DSCAML1: variants seen among roughly 807,000 people sequenced by gnomAD.
DSCAML1 encodes cell adhesion molecule DSCAML1.
DSCAML1 carries 38 observed loss-of-function variants against 200.5 expected under a neutral mutation model. The observed-to-expected ratio is 0.19, with a 90% CI of 0.15 to 0.25. DSCAML1 has a LOEUF of 0.25. DSCAML1 is among the 10% of genes least tolerant of loss of function. The probability of loss-of-function intolerance (pLI) is 1.00; values close to 1 mark genes in which losing one functional copy is unlikely to be tolerated. For missense variants in DSCAML1, 2,223 were observed against 2,858.8 expected (o/e 0.78, Z 5.07); for synonymous variants, 1,215 against 1,165.0 (o/e 1.04, Z -0.87).
At chr11:117,604,485 T>G (rs557792739) in intron 3 of DSCAML1, among the ~76,000 whole-genome samples, 2 of 152,156 alleles carry the variant, frequency 1.3e-5, no homozygotes, top group East Asian at 3.9e-4. Flanking sequence ...GGCCCCACCT[T>G]GGTGGGCCCT....
At chr11:117,648,351 G>T (rs1433026248) in intron 3 of DSCAML1, among the ~76,000 whole-genome samples, 2 of 152,204 alleles carry the variant, frequency 1.3e-5, no homozygotes, top group African/African-American at 4.8e-5. Context: ...AATTTCCTGA[G>T]CGCCAAAGCC....
chr11:117,449,537 C>T (rs1399797215), intron 20 of DSCAML1, among the ~76,000 whole-genome samples: 1 of 152,116 alleles, frequency 6.6e-6, no homozygotes, highest in Non-Finnish European at 1.5e-5. Context: ...GGCAGCTTTC[C>T]TGGTGGCCAT....
At chr11:117,627,892 T>A (rs1041158311) in intron 3 of DSCAML1, among the ~76,000 whole-genome samples, 2 of 151,862 alleles carry the variant, frequency 1.3e-5, no homozygotes, top group Non-Finnish European at 2.9e-5. Flanking sequence ...ATTTTCCAGA[T>A]CCCTGGAGCT....
chr11:117,574,915 G>A (rs573872503), intron 3 of DSCAML1, among the ~76,000 whole-genome samples: 88 of 152,318 alleles, frequency 5.8e-4, no homozygotes, highest in African/African-American at 2.1e-3. Context: ...ATCCTGCCGG[G>A]TGTGGTGGCT....
chr11:117,453,905 G>T (rs1467834924), intron 19 of DSCAML1, among the ~76,000 whole-genome samples: 1 of 151,906 alleles, frequency 6.6e-6, no homozygotes, highest in African/African-American at 2.4e-5. Flanking sequence ...ACTGCACCTG[G>T]CTAATTTTTT....
rs1299327980 is a variant in DSCAML1, at chr11:117,489,270, C to T, written c.2360-7108G>A. ...AGTGGGGACTGCTGCTTTAGGGGTGCAGGCGGGAGAGCCGGGGTGGGGTAT... is the reference window on the plus strand; with the variant it reads ...AGTGGGGACTGCTGCTTTAGGGGTGTAGGCGGGAGAGCCGGGGTGGGGTAT... On this transcript the variant is annotated intron_variant, in intron 11 of 32. Coordinates refer to ENST00000651296, the MANE Select transcript of DSCAML1 (RefSeq NM_020693.4). This position sits in a 1 kb window ranked among gnomAD's most constrained non-coding sequence, Gnocchi z 4.8. Among the ~76,000 whole-genome samples the T allele has an allele frequency of 6.6e-6, 1 of 152,166 alleles. No individual in the cohort carries two copies. The highest frequency in any genetic ancestry group is 1.9e-4 in the East Asian group (1 of 5,192).
At chr11:117,576,529 C>T (rs1468054743) in intron 3 of DSCAML1, among the ~76,000 whole-genome samples, 3 of 152,206 alleles carry the variant, frequency 2.0e-5, no homozygotes, top group Non-Finnish European at 4.4e-5. Context: ...GGATTTCAGT[C>T]CACAGAAATG....
At chr11:117,465,280 C>A (rs2048557904) in intron 16 of DSCAML1, 98 bp from the exon 17 acceptor site, 1 of 1,500,268 alleles carries the variant, frequency 6.7e-7, no homozygotes. Flanking sequence ...TCTGCCCCAG[C>A]CCTTCAAAGG....
At chr11:117,812,186 C>A (rs1368750257) in intron 1 of DSCAML1, among the ~76,000 whole-genome samples, 1 of 152,162 alleles carries the variant, frequency 6.6e-6, no homozygotes, top group East Asian at 1.9e-4. Context: ...TCTACTCCCT[C>A]CTTGGCGACC....
At chr11:117,705,025 C>A (rs145642988) in intron 3 of DSCAML1, among the ~76,000 whole-genome samples, 1 of 152,114 alleles carries the variant, frequency 6.6e-6, no homozygotes, top group Admixed American at 6.5e-5. Flanking sequence ...AAAGACTCTG[C>A]GTACCCACGC....
chr11:117,661,717 T>A (rs932945970), intron 3 of DSCAML1, among the ~76,000 whole-genome samples: 20 of 152,170 alleles, frequency 1.3e-4, no homozygotes, highest in African/African-American at 4.8e-4. Context: ...CCTGTCCCCA[T>A]CAAAGGGCAC....
At chr11:117,539,459 C>A (rs60851263) in intron 3 of DSCAML1, among the ~76,000 whole-genome samples, 1 of 151,402 alleles carries the variant, frequency 6.6e-6, no homozygotes. Context: ...AATACAAAAA[C>A]TAGCCGGGCC....
At chr11:117,797,481 C>A (rs368022710), upstream of DSCAML1, among the ~76,000 whole-genome samples, 2 of 152,246 alleles carry the variant, frequency 1.3e-5, no homozygotes, top group East Asian at 3.8e-4. Flanking sequence ...AGGCATGTGT[C>A]ATCCATGTGC....
intron 3 of DSCAML1, among the ~76,000 whole-genome samples, chr11:117,657,722 T>G (rs1051388641): frequency 2.6e-5 from 4 of 152,168 alleles, no homozygotes; most frequent in Non-Finnish European, 5.9e-5. Context: ...AGATGGATGC[T>G]GGATTACAGA....
intron 3 of DSCAML1, among the ~76,000 whole-genome samples, chr11:117,767,913 G>A (rs906126098): frequency 1.3e-5 from 2 of 152,122 alleles, no homozygotes; most frequent in African/African-American, 2.4e-5. Context: ...GCAGGTGCCT[G>A]CCGCGGGACC....
In DSCAML1 at chr11:117,780,637, G is replaced by A. The variant is rs1339097046; in HGVS notation, c.220C>T (p.Arg74Trp). 3.1e-6 allele frequency: 5 copies of A among 1,589,542 alleles called. No homozygotes were observed. Among genetic ancestry groups the A allele is most frequent in the African/African-American group, 1.3e-5 (1 of 74,178 alleles). The change falls in exon 2 of 33, where the codon CGG (arginine) becomes TGG (tryptophan). Residue 74 changes from arginine to tryptophan, a missense_variant. This residue lies in a region of DSCAML1 where 579 missense variants were observed against 721.5 expected (regional missense o/e 0.80). Transcript: ENST00000651296. The surrounding 1 kb of genome is among the most constrained non-coding windows in gnomAD (Gnocchi z 4.8). Reference protein sequence around the residue: ...GDDIYDVPHIRHVHANGTLQL... With the variant: ...GDDIYDVPHIWHVHANGTLQL... ...AGCGTCCCGTTGGCGTGGACGTGCC[G>A]GATGTGCGGCACGTCGTAGATGTCG...
At chr11:117,484,885 CAGTGTGTGTGTGTGTGTGTG>C (rs2049007282) in intron 11 of DSCAML1, among the ~76,000 whole-genome samples, 1 of 107,786 alleles carries the variant, frequency 9.3e-6, no homozygotes, top group Admixed American at 8.7e-5. Flanking sequence ...AGCAGAGGAA[CAGTGTGTGTGTGTGTGTGTG>C]TGTGTGTGTG....
At chr11:117,765,276 AT>A (rs1420151698) in intron 3 of DSCAML1, among the ~76,000 whole-genome samples, 1 of 152,194 alleles carries the variant, frequency 6.6e-6, no homozygotes, top group African/African-American at 2.4e-5. Context: ...AGAGACCCGT[AT>A]TTAAGTTCCA....
chr11:117,570,338 G>A (rs942365223), intron 3 of DSCAML1, among the ~76,000 whole-genome samples: 2 of 152,116 alleles, frequency 1.3e-5, no homozygotes, highest in East Asian at 1.9e-4. Flanking sequence ...AGAACATGCC[G>A]TTCTGCTTCT....
Sources: allele counts gnomAD v4.1 joint callset (sites outside exome capture counted in the v4.1 genomes callset), GRCh38; gene constraint gnomAD v4.1.1; regional missense constraint gnomAD v4.1.1; non-coding constraint Gnocchi (gnomAD v3.1); transcripts MANE v1.5; gene names NCBI Gene and HGNC (gene_info 2026-07-23, HGNC 2026-07-21).